PXK: variants seen among roughly 807,000 people sequenced by gnomAD.
PXK encodes the protein PX domain containing serine/threonine kinase like.
Under a neutral mutation model 84.7 loss-of-function variants are expected in PXK, and 35 were observed. The observed-to-expected ratio is 0.41, with a 90% CI of 0.32 to 0.55. The LOEUF (loss-of-function observed/expected upper bound fraction) is 0.55. PXK is among the 20% of genes least tolerant of loss of function. PXK has a pLI of 0.21. For synonymous variants in PXK, 253 were observed against 260.8 expected, an observed-to-expected ratio of 0.97 and a Z score of 0.29; for missense variants, 634 against 699.7, an observed-to-expected ratio of 0.91 and a Z score of 1.06.
At chr3:58,336,056 TATATATATATA>T (rs2097587458) in intron 1 of PXK, among the ~76,000 whole-genome samples, 11 of 54,256 alleles carry the variant, frequency 2.0e-4, no homozygotes, top group African/African-American at 1.3e-3. Flanking sequence ...TATATATATA[TATATATATATA>T]TATATTTTTT....
intron 1 of PXK, among the ~76,000 whole-genome samples, chr3:58,349,402 C>T (rs2097880857): frequency 6.8e-6 from 1 of 146,996 alleles, no homozygotes; most frequent in East Asian, 2.0e-4. Flanking sequence ...GTCGCCCAGG[C>T]TGGAGTGCAG....
Position 58,333,176 on chromosome 3 carries a change from G to A in PXK, c.102+86G>A, listed in dbSNP as rs2097526049. ...GGGCTGCCTGGCGCGGGCCGGGCAG[G>A]GTCGTCGGACGGAGACCGGGCCACA... On this transcript the variant is annotated intron_variant, in intron 1 of 17. Transcript: ENST00000356151. This position sits in a 1 kb window ranked among gnomAD's most constrained non-coding sequence, Gnocchi z 5.4. 3 of 820,130 alleles carry A rather than the reference G, an allele frequency of 3.7e-6. No homozygotes were observed. The highest frequency in any genetic ancestry group is 4.5e-6 in the Non-Finnish European group (3 of 673,460). The allele number at this position is 820,130 out of a possible 1,614,324, so 50.8% of individuals were successfully genotyped here.
chr3:58,382,781 A>G (rs2098516287), intron 4 of PXK, 81 bp downstream of exon 4: 2 of 1,100,976 alleles, frequency 1.8e-6, no homozygotes, highest in South Asian at 2.6e-5. Context: ...TGTGGGAGAA[A>G]TGTTTTCTCA....
At chr3:58,378,492 C>CTTCTTTTTTTTTT (rs1451583616) in intron 3 of PXK, among the ~76,000 whole-genome samples, 1 of 24,318 alleles carries the variant, frequency 4.1e-5, no homozygotes, top group African/African-American at 1.4e-4. Context: ...CATTTTTCTT[C>CTTCTTTTTTTTTT]TTTTTTTTTT....
chr3:58,338,977 TC>T (rs1331121850), intron 1 of PXK, among the ~76,000 whole-genome samples: 1 of 151,694 alleles, frequency 6.6e-6, no homozygotes, highest in Non-Finnish European at 1.5e-5. Context: ...GCCACTGCAC[TC>T]AGCCATCTTG....
Position 58,382,566 on chromosome 3 carries a change from A to G in PXK, c.254A>G (p.Asp85Gly). Residue 85 changes from aspartate (D) to glycine (G), a missense_variant, in exon 4 of 18, where the codon GAT becomes GGT. Coordinates refer to ENST00000356151, the MANE Select transcript of PXK (RefSeq NM_017771.5). ...CCCAAAAAATTGATTGGTAACATGG[A>G]TCGTGAATTCATAGCTGAAAGGCAG... is the stretch of plus-strand genomic sequence containing the variant. ...LPPKKLIGNM[D>G]REFIAERQKG... is the part of the protein sequence containing the mutation. 2 of 1,603,734 alleles carry G rather than the reference A, an allele frequency of 1.2e-6. No homozygotes were observed. Among genetic ancestry groups the G allele is most frequent in the South Asian group, 1.1e-5 (1 of 89,212 alleles).
At position 58,407,324 on chromosome 3, in the gene PXK, CAT is replaced by C. The variant is rs1435704689; in HGVS notation, c.1231-1597_1231-1596del. Among the ~76,000 whole-genome samples the C allele has an allele frequency of 6.6e-6, 1 of 152,052 alleles. No homozygotes were observed. The highest frequency in any genetic ancestry group is 2.4e-5 in the African/African-American group (1 of 41,400). On this transcript the variant is annotated intron_variant, in intron 13 of 17. Coordinates refer to ENST00000356151, the MANE Select transcript of PXK (RefSeq NM_017771.5). The surrounding 1 kb of genome is among the most constrained non-coding windows in gnomAD (Gnocchi z 4.3). The stretch of plus-strand genomic sequence containing the variant: ...TGACTAAAGACATTGAGTGTCTTTT[CAT>C]ATGTTTTTTGGCCATTTGTATATTT...
chr3:58,372,803 T>A (rs565242832), intron 3 of PXK, among the ~76,000 whole-genome samples: 2 of 152,168 alleles, frequency 1.3e-5, no homozygotes, highest in South Asian at 4.2e-4. Context: ...ATTTTTGTAT[T>A]TTTAGTAGAG....
At chr3:58,410,730 G>C (rs1326312550) in intron 16 of PXK, among the ~76,000 whole-genome samples, 1 of 152,266 alleles carries the variant, frequency 6.6e-6, no homozygotes, top group Non-Finnish European at 1.5e-5. Context: ...ATCAGAGCCA[G>C]ATTGAATGAT....
intron 3 of PXK, among the ~76,000 whole-genome samples, chr3:58,373,413 C>T (rs891100304): frequency 5.3e-5 from 8 of 152,108 alleles, no homozygotes; most frequent in Non-Finnish European, 7.4e-5. Flanking sequence ...ACTTTCGCCG[C>T]TGAAATAAAG....
At chr3:58,363,003 G>A (rs879101743) in intron 1 of PXK, among the ~76,000 whole-genome samples, 9 of 152,056 alleles carry the variant, frequency 5.9e-5, no homozygotes, top group Admixed American at 2.6e-4. Context: ...GTCATGAGCC[G>A]CTGACTTGGC....
At chr3:58,349,270 T>C (rs1158780280) in intron 1 of PXK, among the ~76,000 whole-genome samples, 1 of 152,038 alleles carries the variant, frequency 6.6e-6, no homozygotes, top group African/African-American at 2.4e-5. Context: ...AATGTGTTGT[T>C]ATGGAGAGAG....
intron 1 of PXK, among the ~76,000 whole-genome samples, chr3:58,338,584 T>C (rs1209168614): frequency 6.6e-6 from 1 of 151,812 alleles, no homozygotes; most frequent in Non-Finnish European, 1.5e-5. Flanking sequence ...GATTGTGCCA[T>C]TGCACTCCAG....
intron 9 of PXK, 68 bp from the exon 10 acceptor site, chr3:58,396,971 C>T (rs554078114): frequency 2.0e-6 from 3 of 1,491,252 alleles, no homozygotes; most frequent in African/African-American, 1.4e-5. Context: ...GACTAAAAAA[C>T]AAAGTTTAAC....
chr3:58,339,479 C>T (rs2097689976), intron 1 of PXK, among the ~76,000 whole-genome samples: 1 of 151,968 alleles, frequency 6.6e-6, no homozygotes, highest in Admixed American at 6.6e-5. Context: ...ATCTGCCTGC[C>T]TCGGCCTTCC....
At position 58,419,064 on chromosome 3, in the gene PXK, G is replaced by T. The variant is rs114131064; in HGVS notation, c.1529-5688G>T. Among the ~76,000 whole-genome samples the T allele has an allele frequency of 2.8e-3, 433 of 152,364 alleles. 3 individuals are homozygous for T. Among genetic ancestry groups the T allele is most frequent in the African/African-American group, 0.01 (416 of 41,576 alleles). ...TAGGTTCAACAAAGTATGGACAGCT[G>T]TGTGGAAATATGATTGGAAGAAAAG... On this transcript the variant is annotated intron_variant, in intron 17 of 17. Coordinates refer to ENST00000356151, the MANE Select transcript of PXK (RefSeq NM_017771.5).
chr3:58,337,012 G>A (rs528214047), intron 1 of PXK, among the ~76,000 whole-genome samples: 17 of 152,042 alleles, frequency 1.1e-4, no homozygotes, highest in South Asian at 4.2e-4. Context: ...GTTTCACCAC[G>A]TTGACTAGGC....
At position 58,399,166 on chromosome 3, in the gene PXK, G is replaced by C. The variant is rs538569147; in HGVS notation, c.1103-133G>C. 1.9e-4 allele frequency: 141 copies of C among 743,014 alleles called. No individual in the cohort carries two copies. Among genetic ancestry groups the C allele is most frequent in the Admixed American group, 4.5e-4 (22 of 48,944 alleles). The allele number at this position is 743,014 out of a possible 1,614,324, so 46.0% of individuals were successfully genotyped here. On this transcript the variant is annotated intron_variant, in intron 11 of 17. Coordinates refer to ENST00000356151, the MANE Select transcript of PXK (RefSeq NM_017771.5). The surrounding 1 kb of genome is among the most constrained non-coding windows in gnomAD (Gnocchi z 4.3). ...CCCACCCCACGTATGCCATCTGTCT[G>C]TGTGTGAAGATTTTTGACACTGTCC...
Position 58,397,239 on chromosome 3 carries a change from A to G in PXK, c.984+39A>G. ...GTAATGAAATAGCAGGTTCATTTTT[A>G]GGTGTCAGTTATCCCCATGATCTGC... On this transcript the variant is annotated intron_variant, in intron 10 of 17. Coordinates refer to ENST00000356151, the MANE Select transcript of PXK (RefSeq NM_017771.5). This position sits in a 1 kb window ranked among gnomAD's most constrained non-coding sequence, Gnocchi z 4.7. The G allele has an allele frequency of 6.3e-7, 1 of 1,594,848 alleles. No individual in the cohort carries two copies. Among genetic ancestry groups the G allele is most frequent in the Non-Finnish European group, 8.6e-7 (1 of 1,163,936 alleles).
Sources: allele counts gnomAD v4.1 joint callset (sites outside exome capture counted in the v4.1 genomes callset), GRCh38; gene constraint gnomAD v4.1.1; non-coding constraint Gnocchi (gnomAD v3.1); transcripts MANE v1.5; gene names NCBI Gene and HGNC (gene_info 2026-07-23, HGNC 2026-07-21).